ASTN2: variants seen among roughly 807,000 people sequenced by gnomAD.
ASTN2 encodes astrotactin 2, also known as astrotactin-2.
A neutral mutation model predicts 139.8 loss-of-function variants in ASTN2; 54 were observed. That is an observed-to-expected ratio of 0.39 (90% CI 0.31 to 0.48). The LOEUF is 0.48. ASTN2 is among the 20% of genes least tolerant of loss of function. The pLI is 0.95. For missense variants in ASTN2, 1,565 were observed against 1,725.1 expected (o/e 0.91, Z 1.64); for synonymous variants, 756 against 719.5 (o/e 1.05, Z -0.81).
chr9:116,741,484 T>C (rs892507053), intron 13 of ASTN2, among the ~76,000 whole-genome samples: 16 of 151,982 alleles, frequency 1.1e-4, no homozygotes, highest in Non-Finnish European at 1.3e-4. Context: ...CTGTGCCTCA[T>C]CCCCCCTCTC....
chr9:117,010,877 T>C (rs1837509678), intron 6 of ASTN2, among the ~76,000 whole-genome samples: 1 of 152,162 alleles, frequency 6.6e-6, no homozygotes, highest in African/African-American at 2.4e-5. Flanking sequence ...CTTTCTATCC[T>C]CACATTGGCC....
intron 17 of ASTN2, among the ~76,000 whole-genome samples, chr9:116,649,694 A>C (rs1290842762): frequency 6.6e-6 from 1 of 152,058 alleles, no homozygotes; most frequent in Non-Finnish European, 1.5e-5. Flanking sequence ...ATTCTATTGA[A>C]TATATATCCT....
chr9:116,496,105 A>C (rs1458569089), intron 19 of ASTN2, among the ~76,000 whole-genome samples: 1 of 152,150 alleles, frequency 6.6e-6, no homozygotes, highest in Non-Finnish European at 1.5e-5. Flanking sequence ...AGTCTACAGG[A>C]GCATCCACTA....
At chr9:116,972,504 T>C (rs1443172298) in intron 10 of ASTN2, among the ~76,000 whole-genome samples, 1 of 152,214 alleles carries the variant, frequency 6.6e-6, no homozygotes, top group African/African-American at 2.4e-5. Flanking sequence ...ATACATATCC[T>C]TATGGGTGAA....
intron 5 of ASTN2, among the ~76,000 whole-genome samples, chr9:117,064,302 C>T (rs1462077317): frequency 6.6e-6 from 1 of 152,092 alleles, no homozygotes; most frequent in African/African-American, 2.4e-5. Context: ...AGCCAGATTG[C>T]TATTTTGGTA....
chr9:116,625,412 C>A (rs912581323), intron 17 of ASTN2, among the ~76,000 whole-genome samples: 1 of 152,050 alleles, frequency 6.6e-6, no homozygotes, highest in African/African-American at 2.4e-5. Flanking sequence ...CCAGCCTGGG[C>A]GACAGCAAGA....
At chr9:116,941,041 C>T (rs572624211) in intron 10 of ASTN2, among the ~76,000 whole-genome samples, 13 of 152,260 alleles carry the variant, frequency 8.5e-5, no homozygotes, top group African/African-American at 3.1e-4. Flanking sequence ...CCTTGATGTA[C>T]AGTAACCTTT....
chr9:116,557,207 G>A (rs1353815291), intron 19 of ASTN2, among the ~76,000 whole-genome samples: 2 of 110,910 alleles, frequency 1.8e-5, no homozygotes, highest in Non-Finnish European at 3.3e-5. Context: ...CTGGGCAACA[G>A]AGCGAGACTC....
chr9:116,848,307 G>A (rs1181535248), intron 11 of ASTN2, among the ~76,000 whole-genome samples: 1 of 152,158 alleles, frequency 6.6e-6, no homozygotes, highest in Non-Finnish European at 1.5e-5. Context: ...GTAGCACAGA[G>A]CCGAGGGAAT....
chr9:117,325,579 C>T (rs979513639), intron 1 of ASTN2, among the ~76,000 whole-genome samples: 7 of 152,142 alleles, frequency 4.6e-5, no homozygotes, highest in African/African-American at 1.2e-4. Flanking sequence ...AAGAGTGTCT[C>T]ATCAATTCCC....
chr9:117,246,537 G>A (rs1329980019), intron 2 of ASTN2, among the ~76,000 whole-genome samples: 1 of 152,204 alleles, frequency 6.6e-6, no homozygotes, highest in African/African-American at 2.4e-5. Context: ...TGTATAAAAT[G>A]ACTTGTAATT....
intron 1 of ASTN2, among the ~76,000 whole-genome samples, chr9:117,327,876 T>C (rs531225504): frequency 1.4e-4 from 22 of 152,340 alleles, no homozygotes; most frequent in African/African-American, 4.8e-4. Context: ...CAGGTACTCT[T>C]TGACGGCAGG....
At position 116,729,826 on chromosome 9, in the gene ASTN2, A is replaced by G. The variant is rs1312718329; in HGVS notation, c.2522-730T>C. Among the ~76,000 whole-genome samples, 3 of 152,240 alleles carry G rather than the reference A, an allele frequency of 2.0e-5. No individual in the cohort carries two copies. The East Asian group carries it at 5.8e-4, about 29-fold the overall frequency. ...AAGTTTAACTGTATAATTTCTCAGC[A>G]TCTTGATTATATTAATATGCATGAA... On this transcript the variant is annotated intron_variant, in intron 14 of 22. Coordinates refer to ENST00000313400, the MANE Select transcript of ASTN2 (RefSeq NM_001365068.1).
intron 1 of ASTN2, among the ~76,000 whole-genome samples, chr9:117,344,773 G>T (rs951142525): frequency 6.6e-6 from 1 of 152,154 alleles, no homozygotes; most frequent in African/African-American, 2.4e-5. Flanking sequence ...AATGAAAAGG[G>T]TGAGGCAGAG....
intron 12 of ASTN2, among the ~76,000 whole-genome samples, chr9:116,810,910 C>T (rs1831147745): frequency 6.6e-6 from 1 of 152,108 alleles, no homozygotes; most frequent in African/African-American, 2.4e-5. Flanking sequence ...ATCCTCATGA[C>T]TCAAACTTCG....
intron 3 of ASTN2, among the ~76,000 whole-genome samples, chr9:117,203,183 A>G (rs148587862): frequency 9.2e-5 from 14 of 152,048 alleles, no homozygotes; most frequent in African/African-American, 3.4e-4. Flanking sequence ...TTTCAGCTCC[A>G]TCAGGTCATT....
intron 10 of ASTN2, among the ~76,000 whole-genome samples, chr9:116,959,179 A>G (rs1490698486): frequency 2.0e-5 from 3 of 152,174 alleles, no homozygotes; most frequent in African/African-American, 4.8e-5. Context: ...GGGCTTCTAC[A>G]ATGGATGTGT....
chr9:116,876,295 A>T (rs934871828), intron 10 of ASTN2, among the ~76,000 whole-genome samples: 3 of 152,212 alleles, frequency 2.0e-5, no homozygotes, highest in African/African-American at 4.8e-5. Flanking sequence ...ATGTGACTGA[A>T]TTGCTGCAAT....
intron 1 of ASTN2, among the ~76,000 whole-genome samples, chr9:117,330,342 G>A (rs1828663297): frequency 6.6e-6 from 1 of 152,194 alleles, no homozygotes; most frequent in Non-Finnish European, 1.5e-5. Context: ...CCAGATGTTG[G>A]GGATGAGTGG....
Sources: allele counts gnomAD v4.1 joint callset (sites outside exome capture counted in the v4.1 genomes callset), GRCh38; gene constraint gnomAD v4.1.1; transcripts MANE v1.5; gene names NCBI Gene and HGNC (gene_info 2026-07-23, HGNC 2026-07-21).